APBB1: variants seen among roughly 807,000 people sequenced by gnomAD.
The protein encoded by APBB1 is amyloid beta precursor protein binding family B member 1.
A neutral mutation model predicts 78.4 loss-of-function variants in APBB1; 22 were observed. The observed-to-expected ratio is 0.28, with a 90% confidence interval of 0.20 to 0.40. APBB1 has a LOEUF of 0.40. Ranked by LOEUF, APBB1 falls within the 10% of genes least tolerant of loss-of-function variation. APBB1 has a pLI of 1.00. For missense variants in APBB1, 749 were observed against 932.4 expected, an observed-to-expected ratio of 0.80 and a Z score of 2.56; for synonymous variants, 369 against 372.7, an observed-to-expected ratio of 0.99 and a Z score of 0.12.
intron 1 of APBB1, among the ~76,000 whole-genome samples, chr11:6,415,913 C>T (rs961125369): frequency 1.1e-4 from 16 of 152,166 alleles, no homozygotes; most frequent in Admixed American, 8.5e-4. Flanking sequence ...CCTCCAGATC[C>T]ACTCACTGCT....
chr11:6,409,361 C>G (rs145857326), intron 2 of APBB1, among the ~76,000 whole-genome samples: 2 of 152,248 alleles, frequency 1.3e-5, no homozygotes, highest in African/African-American at 4.8e-5. Flanking sequence ...AGGTGTGAGC[C>G]ACTGCACCCA....
Position 6,395,592 on chromosome 11 carries a change from C to A in APBB1, c.2075G>T (p.Gly692Val), listed in dbSNP as rs373986403. The change falls in exon 15 of 15, where the codon GGT becomes GTT. Residue 692 changes from glycine to valine, a missense_variant. Coordinates refer to ENST00000609360, the MANE Select transcript of APBB1 (RefSeq NM_001164.5). This position sits in a 1 kb window ranked among gnomAD's most constrained non-coding sequence, Gnocchi z 5.2. Reference protein sequence around the residue: ...ARRVGWTVRRGVQSLWGSLKP... With the variant: ...ARRVGWTVRRVVQSLWGSLKP... ...CAGGGAGCCCCACAGCGACTGAACA[C>A]CCCTGCGGACAGTCCACCCTACACG... The A allele has an allele frequency of 2.2e-5, 35 of 1,590,856 alleles. No homozygotes were observed. The highest frequency in any genetic ancestry group is 7.9e-5 in the South Asian group (7 of 88,342).
rs1188686989 is a variant in APBB1 at position 6,395,333 on chromosome 11, G to C, written c.*201C>G. The stretch of plus-strand genomic sequence containing the variant: ...GCTGGCCTTGCTTCCTGCTCCTCTT[G>C]TTACCACTCCAGTGTTATCACTTCC... On this transcript the variant is annotated 3_prime_UTR_variant, in exon 15 of 15. Coordinates refer to ENST00000609360, the MANE Select transcript of APBB1 (RefSeq NM_001164.5). This position sits in a 1 kb window ranked among gnomAD's most constrained non-coding sequence, Gnocchi z 5.2. 1 of 505,264 alleles carries C rather than the reference G, an allele frequency of 2.0e-6. No homozygotes were observed. Among genetic ancestry groups the C allele is most frequent in the Admixed American group, 3.9e-5 (1 of 25,964 alleles). 31.3% of individuals were successfully genotyped at this position (505,264 alleles called of 1,614,324 possible).
chr11:6,411,453 C>G lies in APBB1; in HGVS notation c.-14-92G>C, dbSNP rs1848963737. 1 of 1,151,474 alleles carries G rather than the reference C, an allele frequency of 8.7e-7. No individual in the cohort carries two copies. Among genetic ancestry groups the G allele is most frequent in the Non-Finnish European group, 1.2e-6 (1 of 822,172 alleles). 71.3% of individuals were successfully genotyped at this position (1,151,474 alleles called of 1,614,324 possible). On this transcript the variant is annotated intron_variant, in intron 1 of 14. Coordinates refer to ENST00000609360, the MANE Select transcript of APBB1 (RefSeq NM_001164.5). This position sits in a 1 kb window ranked among gnomAD's most constrained non-coding sequence, Gnocchi z 5.2. ...CCCAGGGCTATGCCCTGTGCCTCCT[C>G]ATCTCCCTGCACTAAGCAGGCTAGC...
rs770563448 is a variant in APBB1 at position 6,401,257 on chromosome 11, A to C, written c.1588+88T>G. ...GTCTTCATGTGTTCATTTTTCTATC[A>C]GCGCTGTCCAGGAGCTCATGCCTTT... On this transcript the variant is annotated intron_variant, in intron 11 of 14. Transcript: ENST00000609360. The surrounding 1 kb of genome is among the most constrained non-coding windows in gnomAD (Gnocchi z 4.5). 2 of 1,611,904 alleles carry C rather than the reference A, an allele frequency of 1.2e-6. No individual in the cohort carries two copies. The highest frequency in any genetic ancestry group is 1.7e-6 in the Non-Finnish European group (2 of 1,179,116).
chr11:6,412,174 C>A (rs544959083), intron 1 of APBB1, among the ~76,000 whole-genome samples: 131 of 152,300 alleles, frequency 8.6e-4, no homozygotes, highest in South Asian at 3.3e-3. Flanking sequence ...GTTTTTGAGA[C>A]AGAATCTTGC....
chr11:6,396,373 TG>T, intron 12 of APBB1, 158 bp from the exon 13 acceptor site: 1 of 607,844 alleles, frequency 1.6e-6, no homozygotes, highest in South Asian at 2.1e-5. Context: ...ATCCCTTCCC[TG>T]GGGCTCTCCT....
At chr11:6,405,398 C>T in intron 2 of APBB1, 1 of 987,624 alleles carries the variant, frequency 1.0e-6, no homozygotes, top group Non-Finnish European at 1.2e-6. Flanking sequence ...TGCCAGGGCC[C>T]AGCTAGGCTG....
intron 2 of APBB1, chr11:6,404,768 A>C (rs1207391480): frequency 2.7e-5 from 42 of 1,536,202 alleles, no homozygotes; most frequent in Non-Finnish European, 3.7e-5. Flanking sequence ...CTGCAGGATA[A>C]TGGCCAGGAA....
chr11:6,407,921 A>G (rs1349020295), intron 2 of APBB1, among the ~76,000 whole-genome samples: 19 of 151,846 alleles, frequency 1.3e-4, no homozygotes, highest in African/African-American at 4.6e-4. Flanking sequence ...CTGGGACTAC[A>G]GGCGCCCGCC....
chr11:6,395,865 G>C lies in APBB1; in HGVS notation c.1886C>G (p.Pro629Arg), dbSNP rs549336071. The C allele has an allele frequency of 6.2e-7, 1 of 1,614,112 alleles. No individual in the cohort carries two copies. Among genetic ancestry groups the C allele is most frequent in the South Asian group, 1.1e-5 (1 of 91,088 alleles). Residue 629 changes from proline to arginine, a missense_variant, in exon 14 of 15, where the codon CCA (proline) becomes CGA (arginine). By Grantham distance (103) the Pro-to-Arg change is moderately radical. Around this residue, in one of 3 missense-constraint regions of APBB1, gnomAD observed 96 missense variants for 116.0 expected, o/e 0.83. Transcript: ENST00000609360. The surrounding 1 kb of genome is among the most constrained non-coding windows in gnomAD (Gnocchi z 5.2). ...GAACATGTGGCAGCAGAAGGAGGCT[G>C]GGCCGGCAGCCATGATGAATGCAAA... The part of the protein sequence containing the change: ...HTFAFIMAAG[P>R]ASFCCHMFWC...
rs3793991 is a variant in APBB1 at position 6,418,507 on chromosome 11, G to T, written c.-15+478C>A. 9.9e-3 allele frequency among the ~76,000 whole-genome samples: 1,506 copies of T among 152,352 alleles called. 66 individuals carry two copies. The highest frequency in any genetic ancestry group is 0.069 in the East Asian group (357 of 5,174). ...GCAGTGGGAAAACTGCTTCTAATCA[G>T]TGTTCTTGGCAGTGCTAGGCCTCCT... On this transcript the variant is annotated intron_variant, in intron 1 of 14. Coordinates refer to ENST00000609360, the MANE Select transcript of APBB1 (RefSeq NM_001164.5).
At chr11:6,406,367 A>G (rs1050434595) in intron 2 of APBB1, among the ~76,000 whole-genome samples, 1 of 151,510 alleles carries the variant, frequency 6.6e-6, no homozygotes, top group Non-Finnish European at 1.5e-5. Flanking sequence ...TCCACCCCAC[A>G]TAACTAACAT....
chr11:6,396,993 T>C (rs886638839), intron 12 of APBB1, among the ~76,000 whole-genome samples: 1 of 152,226 alleles, frequency 6.6e-6, no homozygotes, highest in African/African-American at 2.4e-5. Context: ...AACTTTCCCT[T>C]ATAACACATG....
At position 6,410,714 on chromosome 11, in the gene APBB1, T is replaced by G; in HGVS notation, c.634A>C (p.Met212Leu). The G allele has an allele frequency of 6.4e-7, 1 of 1,552,978 alleles. No homozygotes were observed. The highest frequency in any genetic ancestry group is 8.7e-7 in the Non-Finnish European group (1 of 1,150,108). Residue 212 changes from methionine (M) to leucine (L), a missense_variant, in exon 2 of 15, where the codon ATG (methionine) becomes CTG (leucine). By Grantham distance (15) the Met-to-Leu change is conservative. This residue lies in a region of APBB1 where 635 missense variants were observed against 765.0 expected (regional missense o/e 0.83). Transcript: ENST00000609360. The part of the protein sequence containing the change: ...HSKSASLLFG[M>L]RNSAASDEDS... Reference sequence around the variant, plus strand: ...TCATCACTGGCTGCACTGTTCCGCATGCCAAACAGGAGGCTGGCACTCTTG... The same window carrying G: ...TCATCACTGGCTGCACTGTTCCGCAGGCCAAACAGGAGGCTGGCACTCTTG...
chr11:6,401,335 T>C lies in APBB1; in HGVS notation c.1588+10A>G. The C allele has an allele frequency of 6.2e-7, 1 of 1,614,056 alleles. No individual in the cohort carries two copies. Among genetic ancestry groups the C allele is most frequent in the East Asian group, 2.2e-5 (1 of 44,882 alleles). ...AGCTGAGCTGGACCTGGAGGGGTTT[T>C]GACACTGACCTTGGAAAGGGACATC... On this transcript the variant is annotated intron_variant, in intron 11 of 14. Transcript: ENST00000609360. This position sits in a 1 kb window ranked among gnomAD's most constrained non-coding sequence, Gnocchi z 4.5.
rs1848954743 is a variant in APBB1, at chr11:6,411,153, G to A, written c.195C>T (p.Ala65=). Residue 65 remains alanine (A), a synonymous_variant, in exon 2 of 15, where the codon GCC becomes GCT. Coordinates refer to ENST00000609360, the MANE Select transcript of APBB1 (RefSeq NM_001164.5). The surrounding 1 kb of genome is among the most constrained non-coding windows in gnomAD (Gnocchi z 5.2). ...GEGGGPEPGP[A]NAKWLKEGQN... Reference sequence around the variant, plus strand: ...GGCCCTCTTTTAGCCACTTGGCATTGGCAGGGCCTGGCTCAGGCCCACCAC... The same window carrying A: ...GGCCCTCTTTTAGCCACTTGGCATTAGCAGGGCCTGGCTCAGGCCCACCAC... 1 of 1,609,388 alleles carries A rather than the reference G, an allele frequency of 6.2e-7. No individual in the cohort carries two copies. The highest frequency in any genetic ancestry group is 1.7e-5 in the Admixed American group (1 of 59,948).
At chr11:6,412,851 A>G (rs544711267) in intron 1 of APBB1, among the ~76,000 whole-genome samples, 1 of 152,044 alleles carries the variant, frequency 6.6e-6, no homozygotes, top group Non-Finnish European at 1.5e-5. Flanking sequence ...TGGTGCCCCA[A>G]ACAAACTCCA....
chr11:6,414,737 T>TTGGCACAGACACTGTTCAAGAG (rs1849077952), intron 1 of APBB1, among the ~76,000 whole-genome samples: 1 of 152,050 alleles, frequency 6.6e-6, no homozygotes, highest in Non-Finnish European at 1.5e-5. Flanking sequence ...AACCAACATC[T>TTGGCACAGACACTGTTCAAGAG]TGGCACAGAC....
Sources: gnomAD v4.1 joint callset for allele counts (sites outside exome capture counted in the v4.1 genomes callset) on GRCh38, gnomAD v4.1.1 for gene constraint, gnomAD v4.1.1 regional missense constraint, Gnocchi (gnomAD v3.1) non-coding constraint, MANE v1.5 for transcripts, NCBI Gene and HGNC (gene_info 2026-07-23, HGNC 2026-07-21) for gene names.